The following HIVEP2 variants were observed in gnomAD, a reference collection of about 807,000 sequenced individuals.
HIVEP2 encodes the protein HIVEP zinc finger 2, also known as transcription factor HIVEP2.
In HIVEP2, 14 loss-of-function variants were observed where a neutral mutation model predicts 180.7. The ratio of observed to expected loss-of-function variants is 0.08; its 90% CI spans 0.05 to 0.12. The LOEUF (loss-of-function observed/expected upper bound fraction) is 0.12. Among genes scored for constraint, HIVEP2 ranks in the 10% least tolerant of loss-of-function variants. The probability of loss-of-function intolerance (pLI) is 1.00; values close to 1 mark genes in which losing one functional copy is unlikely to be tolerated. For missense variants in HIVEP2, 2,579 were observed against 3,008.5 expected, an observed-to-expected ratio of 0.86 and a Z score of 3.34; for synonymous variants, 1,184 against 1,136.4, an observed-to-expected ratio of 1.04 and a Z score of -0.84.
At chr6:142,874,811 G>A (rs1371735147) in intron 1 of HIVEP2, among the ~76,000 whole-genome samples, 1 of 152,130 alleles carries the variant, frequency 6.6e-6, no homozygotes, top group African/African-American at 2.4e-5. Context: ...TTAGAGACAC[G>A]ATAAGAATTA....
chr6:142,872,362 C>T (rs1052195501), intron 1 of HIVEP2, among the ~76,000 whole-genome samples: 7 of 152,170 alleles, frequency 4.6e-5, no homozygotes, highest in African/African-American at 1.7e-4. Context: ...AGCAATCTTT[C>T]CTAAACAGTT....
At position 142,872,088 on chromosome 6, in the gene HIVEP2, G is replaced by A. The variant is rs150431031; in HGVS notation, c.-640-35041C>T. Among the ~76,000 whole-genome samples the A allele has an allele frequency of 1.8e-4, 28 of 152,242 alleles. 2 individuals carry two copies. Among genetic ancestry groups the A allele is most frequent in the African/African-American group, 6.5e-4 (27 of 41,560 alleles). On this transcript the variant is annotated intron_variant, in intron 1 of 9. Transcript: ENST00000367603. ...TTTGACTGAGTAGCTGGACCAGTGCGTAGGTATCAGCTGATGTCTCTCACA... is the reference window on the plus strand; with the variant it reads ...TTTGACTGAGTAGCTGGACCAGTGCATAGGTATCAGCTGATGTCTCTCACA...
intron 1 of HIVEP2, among the ~76,000 whole-genome samples, chr6:142,861,500 T>A (rs1269592387): frequency 6.6e-6 from 1 of 152,206 alleles, no homozygotes; most frequent in Non-Finnish European, 1.5e-5. Flanking sequence ...CTTGAAGGTA[T>A]CCTTGGATAC....
chr6:142,902,774 T>G (rs1030684130), intron 1 of HIVEP2, among the ~76,000 whole-genome samples: 1 of 152,234 alleles, frequency 6.6e-6, no homozygotes, highest in Non-Finnish European at 1.5e-5. Flanking sequence ...ATGCTGATAC[T>G]ACAATGCTCA....
Position 142,768,546 on chromosome 6 carries a change from A to C in HIVEP2, c.5188-10T>G. 2 of 1,611,712 alleles carry C rather than the reference A, an allele frequency of 1.2e-6. No homozygotes were observed. The highest frequency in any genetic ancestry group is 1.7e-6 in the Non-Finnish European group (2 of 1,179,178). On this transcript the variant is annotated splice_polypyrimidine_tract_variant and intron_variant, in intron 5 of 9. Transcript: ENST00000367603. ...ACGCATCAGGTTTCATCTGTAAGAC[A>C]AGAAGAGAGAATCATTTCACATGCT...
At chr6:142,802,359 A>G (rs1042197021) in intron 2 of HIVEP2, among the ~76,000 whole-genome samples, 1 of 152,140 alleles carries the variant, frequency 6.6e-6, no homozygotes, top group Admixed American at 6.6e-5. Flanking sequence ...TCTCTGTAGC[A>G]AGGCCTGGGA....
intron 2 of HIVEP2, among the ~76,000 whole-genome samples, chr6:142,792,175 T>C (rs1341850064): frequency 6.6e-6 from 1 of 152,134 alleles, no homozygotes; most frequent in African/African-American, 2.4e-5. Context: ...AGAAGACAAC[T>C]GCCACAGTCA....
intron 2 of HIVEP2, among the ~76,000 whole-genome samples, chr6:142,789,076 T>C (rs1266869733): frequency 6.6e-6 from 1 of 152,216 alleles, no homozygotes; most frequent in African/African-American, 2.4e-5. Flanking sequence ...TGTTGGTTCA[T>C]GAGGATGCTT....
At chr6:142,780,815 G>T (rs1270320366) in intron 3 of HIVEP2, among the ~76,000 whole-genome samples, 3 of 152,002 alleles carry the variant, frequency 2.0e-5, no homozygotes, top group Admixed American at 2.0e-4. Flanking sequence ...AAAACAATAG[G>T]GTTTTCAAGA....
rs1185153330 is a variant in HIVEP2, at chr6:142,772,511, G to A, written c.2228C>T (p.Ala743Val). Residue 743 changes from alanine to valine, a missense_variant, in exon 5 of 10, where the codon GCC becomes GTC. By Grantham distance (64) the Ala-to-Val change is moderately conservative. Transcript: ENST00000367603. The surrounding 1 kb of genome is among the most constrained non-coding windows in gnomAD (Gnocchi z 4.9). ...QMQEGVRSGF[A>V]MAGHENLSHG... The stretch of plus-strand genomic sequence containing the variant: ...AGAAAGGTTTTCGTGTCCAGCCATG[G>A]CAAATCCACTCCTGACTCCTTCCTG... The A allele has an allele frequency of 6.2e-7, 1 of 1,614,048 alleles. No homozygotes were observed. Among genetic ancestry groups the A allele is most frequent in the East Asian group, 2.2e-5 (1 of 44,876 alleles).
chr6:142,777,371 A>G (rs944899242), intron 3 of HIVEP2, among the ~76,000 whole-genome samples: 11 of 152,166 alleles, frequency 7.2e-5, no homozygotes, highest in African/African-American at 2.4e-4. Context: ...ACGAAGACAC[A>G]TTGTTAATCC....
intron 1 of HIVEP2, among the ~76,000 whole-genome samples, chr6:142,897,661 T>C (rs2128423904): frequency 1.3e-5 from 2 of 152,246 alleles, no homozygotes; most frequent in South Asian, 2.1e-4. Flanking sequence ...ATAGATATGG[T>C]GTTAACAGTT....
chr6:142,905,492 C>A (rs576098392), intron 1 of HIVEP2, among the ~76,000 whole-genome samples: 4 of 152,164 alleles, frequency 2.6e-5, no homozygotes, highest in African/African-American at 9.7e-5. Context: ...AGTAGTGTTA[C>A]AAATGCTCAA....
At chr6:142,906,758 G>C (rs1777273463) in intron 1 of HIVEP2, among the ~76,000 whole-genome samples, 1 of 152,078 alleles carries the variant, frequency 6.6e-6, no homozygotes, top group Non-Finnish European at 1.5e-5. Flanking sequence ...TGAAAGTAAG[G>C]ATTGTATCAA....
chr6:142,913,777 G>A (rs989503721), intron 1 of HIVEP2, among the ~76,000 whole-genome samples: 3 of 152,140 alleles, frequency 2.0e-5, no homozygotes, highest in Non-Finnish European at 4.4e-5. Flanking sequence ...ACCCACTCTT[G>A]CCCCATCCTC....
At chr6:142,849,375 G>A (rs1775591598) in intron 1 of HIVEP2, among the ~76,000 whole-genome samples, 1 of 152,192 alleles carries the variant, frequency 6.6e-6, no homozygotes. Context: ...TAAGTTTGAG[G>A]TGCCTTAGAA....
chr6:142,870,315 T>A (rs1461156826), intron 1 of HIVEP2, among the ~76,000 whole-genome samples: 1 of 152,180 alleles, frequency 6.6e-6, no homozygotes, highest in Non-Finnish European at 1.5e-5. Flanking sequence ...AGTCCTTGAG[T>A]GTCTCTGAGG....
chr6:142,905,284 C>A (rs959678715), intron 1 of HIVEP2, among the ~76,000 whole-genome samples: 2 of 152,048 alleles, frequency 1.3e-5, no homozygotes, highest in African/African-American at 4.8e-5. Flanking sequence ...TAAAGAAAAT[C>A]TTGAAATGCA....
intron 2 of HIVEP2, among the ~76,000 whole-genome samples, chr6:142,805,866 A>C (rs1412611261): frequency 6.6e-6 from 1 of 152,164 alleles, no homozygotes; most frequent in Non-Finnish European, 1.5e-5. Flanking sequence ...TTTAATGAGC[A>C]TATACCAAGT....
Sources: allele counts gnomAD v4.1 joint callset (sites outside exome capture counted in the v4.1 genomes callset), GRCh38; gene constraint gnomAD v4.1.1; non-coding constraint Gnocchi (gnomAD v3.1); transcripts MANE v1.5; gene names NCBI Gene and HGNC (gene_info 2026-07-23, HGNC 2026-07-21).